Variants in KIAA1217 observed in about 807,000 individuals in gnomAD.
The protein encoded by KIAA1217 is sickle tail protein homolog.
In KIAA1217, 88 loss-of-function variants were observed where a neutral mutation model predicts 163.9. The observed-to-expected ratio is 0.54, with a 90% CI of 0.45 to 0.64. The LOEUF is 0.64. Among genes scored for constraint, KIAA1217 ranks in the 30% least tolerant of loss-of-function variants. The pLI is 0.00. For synonymous variants in KIAA1217, 903 were observed against 923.1 expected, an observed-to-expected ratio of 0.98 and a Z score of 0.39; for missense variants, 2,372 against 2,475.0, an observed-to-expected ratio of 0.96 and a Z score of 0.88.
chr10:24,202,179 A>G (rs966625974), intron 2 of KIAA1217, among the ~76,000 whole-genome samples: 1 of 152,196 alleles, frequency 6.6e-6, no homozygotes, highest in Non-Finnish European at 1.5e-5. Flanking sequence ...ACTCAACCGG[A>G]GGCTGAGAAC....
chr10:24,195,140 A>G (rs1221278044), intron 2 of KIAA1217, among the ~76,000 whole-genome samples: 1 of 152,098 alleles, frequency 6.6e-6, no homozygotes, highest in East Asian at 1.9e-4. Context: ...GGGCTGGGGA[A>G]TGAGCTTTCT....
At chr10:24,205,244 G>A (rs2067480376), upstream of KIAA1217, among the ~76,000 whole-genome samples, 1 of 143,756 alleles carries the variant, frequency 7.0e-6, no homozygotes, top group African/African-American at 2.6e-5. Context: ...ATTACCTGCG[G>A]TCAGGAGTTC....
At chr10:23,939,355 T>A (rs772722302) in intron 1 of KIAA1217, among the ~76,000 whole-genome samples, 3 of 152,126 alleles carry the variant, frequency 2.0e-5, no homozygotes, top group Non-Finnish European at 2.9e-5. Context: ...ATGTGTGTGG[T>A]GCATACTTCA....
intron 2 of KIAA1217, among the ~76,000 whole-genome samples, chr10:24,260,938 GAA>G (rs1435440349): frequency 6.6e-6 from 1 of 152,098 alleles, no homozygotes; most frequent in African/African-American, 2.4e-5. Flanking sequence ...CTGTCATGAG[GAA>G]AGGTGACATA....
At chr10:24,323,018 G>T (rs528154680) in intron 2 of KIAA1217, among the ~76,000 whole-genome samples, 1 of 151,946 alleles carries the variant, frequency 6.6e-6, no homozygotes, top group African/African-American at 2.4e-5. Flanking sequence ...TGCCACACTC[G>T]TAGCTCACTA....
chr10:24,006,560 C>T (rs1299968223), intron 1 of KIAA1217, among the ~76,000 whole-genome samples: 1 of 152,178 alleles, frequency 6.6e-6, no homozygotes. Flanking sequence ...TTCTGGGTCT[C>T]CTCAACAATC....
At chr10:24,183,655 T>G (rs1380316262) in intron 2 of KIAA1217, among the ~76,000 whole-genome samples, 1 of 152,204 alleles carries the variant, frequency 6.6e-6, no homozygotes, top group Non-Finnish European at 1.5e-5. Context: ...TGAGCAATCC[T>G]CAACTAGCCT....
chr10:24,522,791 T>C (rs2071482946), intron 12 of KIAA1217, among the ~76,000 whole-genome samples: 1 of 151,992 alleles, frequency 6.6e-6, no homozygotes. Context: ...AGGTCAGGAG[T>C]TGGAGACTAG....
At chr10:24,305,909 A>G (rs1333406789) in intron 2 of KIAA1217, among the ~76,000 whole-genome samples, 1 of 152,092 alleles carries the variant, frequency 6.6e-6, no homozygotes, top group African/African-American at 2.4e-5. Context: ...AAAGAGAAAG[A>G]GATCGCCCAG....
intron 1 of KIAA1217, among the ~76,000 whole-genome samples, chr10:23,777,108 A>G (rs1835040476): frequency 1.3e-5 from 2 of 152,232 alleles, no homozygotes; most frequent in African/African-American, 2.4e-5. Flanking sequence ...TAGTTTTAAG[A>G]GATTATTTCA....
At chr10:24,129,944 ACATCCCCTGTCCCG>A (rs1427345165) in intron 2 of KIAA1217, among the ~76,000 whole-genome samples, 1 of 152,120 alleles carries the variant, frequency 6.6e-6, no homozygotes, top group Admixed American at 6.6e-5. Flanking sequence ...GTCTCTGCCC[ACATCCCCTGTCCCG>A]CATAACCTTT....
chr10:24,356,582 T>C (rs930960100), intron 2 of KIAA1217, among the ~76,000 whole-genome samples: 8 of 152,314 alleles, frequency 5.3e-5, no homozygotes, highest in African/African-American at 1.7e-4. Context: ...TGTTGAGAGT[T>C]GGGACCTATA....
At position 23,813,359 on chromosome 10, in the gene KIAA1217, CT is replaced by C. The variant is rs1269009302; in HGVS notation, c.-321+118132del. 5.3e-5 allele frequency among the ~76,000 whole-genome samples: 8 copies of C among 151,786 alleles called. No individual in the cohort carries two copies. The South Asian group carries it at 1.5e-3, about 28-fold the overall frequency. On this transcript the variant is annotated intron_variant, in intron 1 of 18. Coordinates refer to the KIAA1217 transcript ENST00000376462. Reference sequence around the variant, plus strand: ...ACCTGATTTGCAAAATAAATAATTCCTTTTTTTGCTATTTTTTTGTTTTGTG... The same window carrying C: ...ACCTGATTTGCAAAATAAATAATTCCTTTTTTGCTATTTTTTTGTTTTGTG...
intron 2 of KIAA1217, among the ~76,000 whole-genome samples, chr10:24,357,235 G>T (rs982641464): frequency 6.6e-6 from 1 of 152,230 alleles, no homozygotes; most frequent in African/African-American, 2.4e-5. Flanking sequence ...GGCTGCCTGG[G>T]CCTGGAGTAG....
intron 13 of KIAA1217, among the ~76,000 whole-genome samples, chr10:24,526,438 G>A (rs886592160): frequency 3.9e-5 from 6 of 152,198 alleles, no homozygotes; most frequent in Non-Finnish European, 5.9e-5. Context: ...TGGCAGATCC[G>A]TCACTTAAGA....
chr10:24,304,981 G>A (rs2041843707), intron 2 of KIAA1217, among the ~76,000 whole-genome samples: 1 of 152,116 alleles, frequency 6.6e-6, no homozygotes, highest in Non-Finnish European at 1.5e-5. Context: ...TGCATTTTTT[G>A]ACAAAGCTAC....
intron 1 of KIAA1217, among the ~76,000 whole-genome samples, chr10:23,846,703 C>A (rs1477605890): frequency 6.6e-6 from 1 of 152,140 alleles, no homozygotes; most frequent in Non-Finnish European, 1.5e-5. Context: ...GACTTCCTCT[C>A]TTCCTATTTG....
At chr10:23,866,203 G>T (rs951744914) in intron 1 of KIAA1217, among the ~76,000 whole-genome samples, 1 of 151,918 alleles carries the variant, frequency 6.6e-6, no homozygotes, top group Non-Finnish European at 1.5e-5. Flanking sequence ...TGTGATGTCG[G>T]GGGGAGATAT....
rs188232595 is a variant in KIAA1217, at chr10:24,080,280, G to T, written c.-171+72906G>T. 1.4e-4 allele frequency among the ~76,000 whole-genome samples: 21 copies of T among 152,338 alleles called. No homozygotes were observed. The East Asian group carries it at 3.7e-3, about 27-fold the overall frequency. ...TGAGCAGGACCTTCCAGAGCTTGAT[G>T]ATACTGGCTGTAAGCTGTTTGGTTG... On this transcript the variant is annotated intron_variant, in intron 2 of 18. Coordinates refer to the KIAA1217 transcript ENST00000376462.
Sources: allele counts gnomAD v4.1 joint callset (sites outside exome capture counted in the v4.1 genomes callset), GRCh38; gene constraint gnomAD v4.1.1; transcripts MANE v1.5; gene names NCBI Gene and HGNC (gene_info 2026-07-23, HGNC 2026-07-21).